The following SRFBP1 variants were observed in gnomAD, a reference collection of about 807,000 sequenced individuals.
The protein encoded by SRFBP1 is serum response factor-binding protein 1.
SRFBP1 carries 47 observed loss-of-function variants against 45.5 expected under a neutral mutation model. That is an observed-to-expected ratio of 1.03 (90% CI 0.82 to 1.32). SRFBP1 has a LOEUF of 1.32. Among genes scored for constraint, SRFBP1 ranks in the 40% most tolerant of loss-of-function variants. The probability of loss-of-function intolerance (pLI) is 0.00; values close to 1 mark genes in which losing one functional copy is unlikely to be tolerated. For synonymous variants in SRFBP1, 203 were observed against 166.3 expected, an observed-to-expected ratio of 1.22 and a Z score of -1.70; for missense variants, 621 against 484.6, an observed-to-expected ratio of 1.28 and a Z score of -2.64.
At chr5:122,033,995 C>T (rs975353028) in intron 2 of SRFBP1, among the ~76,000 whole-genome samples, 10 of 149,318 alleles carry the variant, frequency 6.7e-5, no homozygotes, top group Non-Finnish European at 1.5e-4. Flanking sequence ...AGCTAATTTT[C>T]GGGTTTTTAG....
intron 3 of SRFBP1, among the ~76,000 whole-genome samples, chr5:121,992,859 G>C (rs1328314212): frequency 1.3e-5 from 2 of 151,640 alleles, no homozygotes; most frequent in African/African-American, 4.9e-5. Context: ...TGGGGCTTTG[G>C]GTTTCTGGGG....
chr5:121,974,649 A>AT (rs1580500241), intron 2 of SRFBP1, among the ~76,000 whole-genome samples: 1 of 151,912 alleles, frequency 6.6e-6, no homozygotes, highest in African/African-American at 2.4e-5. Flanking sequence ...AGTTTTGAAG[A>AT]TTTTATATCA....
chr5:121,973,841 C>T (rs990838129), intron 1 of SRFBP1, among the ~76,000 whole-genome samples: 2 of 151,728 alleles, frequency 1.3e-5, no homozygotes, highest in African/African-American at 2.4e-5. Flanking sequence ...TTTGTTTTAA[C>T]GGTGGGAATA....
At position 122,019,298 on chromosome 5, in the gene SRFBP1, A is replaced by G. The variant is rs1753246974; in HGVS notation, c.309A>G (p.Leu103=). The part of the protein sequence containing the change: ...STATERAIAR[L]AVHPLLKKKI... ...CAACTGAAAGAGCAATTGCCAGACT[A>G]GCAGTACATCCTCTTCTGAAGAAAA... The change falls in exon 5 of 8, where the codon CTA becomes CTG. Residue 103 remains leucine (L), a synonymous_variant. Coordinates refer to ENST00000339397, the MANE Select transcript of SRFBP1 (RefSeq NM_152546.3). 1 of 1,612,778 alleles carries G rather than the reference A, an allele frequency of 6.2e-7. No individual in the cohort carries two copies. The highest frequency in any genetic ancestry group is 8.5e-7 in the Non-Finnish European group (1 of 1,179,238).
Position 122,027,360 on chromosome 5 carries a change from A to T in SRFBP1, c.*234A>T. 1 of 290,136 alleles carries T rather than the reference A, an allele frequency of 3.4e-6. No homozygotes were observed. Among genetic ancestry groups the T allele is most frequent in the Non-Finnish European group, 6.3e-6 (1 of 157,952 alleles). 18.0% of individuals were successfully genotyped at this position (290,136 alleles called of 1,614,324 possible). On this transcript the variant is annotated 3_prime_UTR_variant, in exon 8 of 8. Transcript: ENST00000339397. Reference sequence around the variant, plus strand: ...CCCAGGCTCTGCAGCTATTACTTAAACTCGTATTTGAATAAGTCTCTTGGG... The same window carrying T: ...CCCAGGCTCTGCAGCTATTACTTAATCTCGTATTTGAATAAGTCTCTTGGG...
At chr5:122,044,462 T>A (rs1753822031) in intron 2 of SRFBP1, among the ~76,000 whole-genome samples, 1 of 152,148 alleles carries the variant, frequency 6.6e-6, no homozygotes, top group Admixed American at 6.5e-5. Context: ...AATTTACACT[T>A]CAACCAGTAG....
Position 121,980,719 on chromosome 5 carries a change from T to C in SRFBP1, c.198+5332T>C, listed in dbSNP as rs532316633. 1.5e-4 allele frequency among the ~76,000 whole-genome samples: 23 copies of C among 152,238 alleles called. No homozygotes were observed. In the South Asian group the frequency reaches 4.6e-3, roughly 30 times the overall value. On this transcript the variant is annotated intron_variant, in intron 3 of 7. Transcript: ENST00000339397. ...TTGGTTATTTTTTTCGAATAAGTGG[T>C]TGTTTGAATGAATTTTCTTGGCTAG...
chr5:122,032,897 A>G (rs1044532777), downstream of SRFBP1, among the ~76,000 whole-genome samples: 4 of 152,078 alleles, frequency 2.6e-5, no homozygotes, highest in African/African-American at 9.7e-5. Context: ...GCAGTGTATG[A>G]CAGAGGCCTA....
At chr5:122,058,092 A>T (rs933841274) in intron 2 of SRFBP1, among the ~76,000 whole-genome samples, 2 of 152,194 alleles carry the variant, frequency 1.3e-5, no homozygotes, top group African/African-American at 2.4e-5. Flanking sequence ...AATGATGTCC[A>T]TTTAACCTCA....
rs369895953 is a variant in SRFBP1 at position 122,047,527 on chromosome 5, C to A, written n.311+25120C>A. Among the ~76,000 whole-genome samples, 163 of 152,152 alleles carry A rather than the reference C, an allele frequency of 1.1e-3. 1 individual carries two copies. In the East Asian group the frequency reaches 0.024, roughly 23 times the overall value. ...TTGGCTTAGGATTGTCTTGGCAATG[C>A]GGGCTCTTTTTTGGTTCCATATGAA... On this transcript the variant is annotated intron_variant and non_coding_transcript_variant, in intron 2 of 2. Transcript: ENST00000504881.
chr5:122,054,355 A>T (rs1469393031), intron 2 of SRFBP1, among the ~76,000 whole-genome samples: 1 of 152,182 alleles, frequency 6.6e-6, no homozygotes, highest in Non-Finnish European at 1.5e-5. Flanking sequence ...CTCCGAGCTA[A>T]GCCCAGACAG....
chr5:121,986,174 C>T (rs1236240646), intron 3 of SRFBP1, among the ~76,000 whole-genome samples: 1 of 151,824 alleles, frequency 6.6e-6, no homozygotes, highest in East Asian at 1.9e-4. Flanking sequence ...TGGGTCCAAC[C>T]TAAGTCAAAT....
intron 3 of SRFBP1, among the ~76,000 whole-genome samples, chr5:121,982,071 G>A (rs1018898149): frequency 6.6e-6 from 1 of 151,818 alleles, no homozygotes; most frequent in Non-Finnish European, 1.5e-5. Context: ...TCTGTAATCA[G>A]AAGCTTTTCT....
chr5:122,010,252 A>G (rs1047190702), intron 4 of SRFBP1, among the ~76,000 whole-genome samples: 2 of 152,072 alleles, frequency 1.3e-5, no homozygotes, highest in South Asian at 2.1e-4. Context: ...TTATAAGTAC[A>G]TGGAGTTCTA....
At chr5:121,994,479 T>A in intron 3 of SRFBP1, 120 bp from the exon 4 acceptor site, 1 of 677,122 alleles carries the variant, frequency 1.5e-6, no homozygotes, top group South Asian at 1.8e-5. Context: ...TGGGAGTTAA[T>A]TCTTTTCTCA....
At chr5:121,981,364 AAC>A (rs1752403815) in intron 3 of SRFBP1, among the ~76,000 whole-genome samples, 6 of 152,024 alleles carry the variant, frequency 3.9e-5, no homozygotes, top group Non-Finnish European at 1.5e-5. Context: ...CACGTTTAAA[AAC>A]ACATTCAAAT....
chr5:122,077,524 G>A (rs762522856), downstream of SRFBP1: 7 of 1,613,804 alleles, frequency 4.3e-6, no homozygotes, highest in South Asian at 3.3e-5. The surrounding 1 kb of genome is among the most constrained non-coding windows in gnomAD (Gnocchi z 4.9). Flanking sequence ...GCAGGTTACT[G>A]AGCGCAGGAA....
chr5:122,032,595 A>G (rs1753608908), downstream of SRFBP1, among the ~76,000 whole-genome samples: 1 of 152,228 alleles, frequency 6.6e-6, no homozygotes, highest in Non-Finnish European at 1.5e-5. Context: ...AGATTTGTTC[A>G]TAGAGATCTT....
chr5:121,991,017 A>G (rs1752611329), intron 3 of SRFBP1, among the ~76,000 whole-genome samples: 2 of 149,682 alleles, frequency 1.3e-5, no homozygotes, highest in South Asian at 4.2e-4. Flanking sequence ...GTGCACTTGT[A>G]GAAGCAATTT....
Sources: gnomAD v4.1 joint callset for allele counts (sites outside exome capture counted in the v4.1 genomes callset) on GRCh38, gnomAD v4.1.1 for gene constraint, Gnocchi (gnomAD v3.1) non-coding constraint, MANE v1.5 for transcripts, NCBI Gene and HGNC (gene_info 2026-07-23, HGNC 2026-07-21) for gene names.